Variants in STYXL1 observed in about 807,000 individuals in gnomAD.
STYXL1 encodes the protein serine/threonine/tyrosine interacting like 1.
A neutral mutation model predicts 36.4 loss-of-function variants in STYXL1; 32 were observed. The observed-to-expected ratio is 0.88, with a 90% confidence interval of 0.66 to 1.18. The LOEUF (loss-of-function observed/expected upper bound fraction) is 1.18. Among genes scored for constraint, STYXL1 ranks in the 50% most tolerant of loss-of-function variants. STYXL1 has a pLI of 0.00. For synonymous variants in STYXL1, 133 were observed against 144.1 expected (o/e 0.92, Z 0.55); for missense variants, 354 against 394.1 (o/e 0.90, Z 0.86).
At chr7:76,005,911 GAGGAGGAGGA>G (rs1247256357) in intron 5 of STYXL1, among the ~76,000 whole-genome samples, 91 of 144,638 alleles carry the variant, frequency 6.3e-4, no homozygotes, top group African/African-American at 2.2e-3. Flanking sequence ...AGAGGAGGAG[GAGGAGGAGGA>G]GGGAGGAGGT....
intron 8 of STYXL1, among the ~76,000 whole-genome samples, chr7:75,997,206 T>G (rs557122893): frequency 6.6e-6 from 1 of 152,038 alleles, no homozygotes; most frequent in Non-Finnish European, 1.5e-5. Context: ...CCGAGACGGG[T>G]GGATCACCTG....
chr7:75,999,709 A>G (rs1790628165), intron 8 of STYXL1, among the ~76,000 whole-genome samples: 1 of 151,736 alleles, frequency 6.6e-6, no homozygotes, highest in East Asian at 2.0e-4. Context: ...CACCACGCCC[A>G]GCTAATTTTT....
chr7:76,005,144 G>A, intron 6 of STYXL1, 115 bp downstream of exon 6: 2 of 620,074 alleles, frequency 3.2e-6, no homozygotes, highest in Non-Finnish European at 2.1e-6. Context: ...TTGTGCACAT[G>A]TACCCTAAAA....
intron 4 of STYXL1, among the ~76,000 whole-genome samples, chr7:76,021,510 C>T (rs1233647881): frequency 6.6e-6 from 1 of 152,124 alleles, no homozygotes; most frequent in Non-Finnish European, 1.5e-5. Flanking sequence ...GTCTGACGGG[C>T]CCCACAGGAG....
chr7:75,999,944 C>A (rs576092533), intron 8 of STYXL1, among the ~76,000 whole-genome samples: 1 of 152,098 alleles, frequency 6.6e-6, no homozygotes, highest in East Asian at 1.9e-4. Flanking sequence ...TCAGAACAGG[C>A]CCTGGAGGAA....
chr7:76,038,871 C>T lies in STYXL1; in HGVS notation c.-4-8344G>A, dbSNP rs974438503. Among the ~76,000 whole-genome samples the T allele has an allele frequency of 5.4e-5, 8 of 149,130 alleles. 1 individual carries two copies. The highest frequency in any genetic ancestry group is 1.8e-4 in the African/African-American group (7 of 38,652). ...GCGCGATCGTCACTCACTGCAGCCT[C>T]AAACTCCTGGGCTCAAGTGAGCCTC... On this transcript the variant is annotated intron_variant, in intron 1 of 8. Transcript: ENST00000359697.
Position 76,047,779 on chromosome 7 carries a change from G to T in STYXL1, c.-122C>A. On this transcript the variant is annotated 5_prime_UTR_variant, in exon 1 of 9. Transcript: ENST00000359697. ...TCCCCGGCTGCGCGACTATGGCCAG[G>T]CTCCCTGTCGGAGCCTCTGCCTGGG... The T allele has an allele frequency of 2.1e-6, 1 of 475,482 alleles. No homozygotes were observed. Among genetic ancestry groups the T allele is most frequent in the Non-Finnish European group, 3.2e-6 (1 of 310,674 alleles). The allele number at this position is 475,482 out of a possible 1,614,324, so 29.5% of individuals were successfully genotyped here. A position where few individuals can be genotyped will look rare whatever the true frequency, so the allele number is the denominator to read the frequency against.
chr7:76,028,833 TGA>T (rs1417277076), intron 2 of STYXL1, 130 bp from the exon 3 acceptor site: 6 of 853,474 alleles, frequency 7.0e-6, no homozygotes, highest in Non-Finnish European at 9.6e-6. Flanking sequence ...GTTTAAAACT[TGA>T]GATGTGGGGC....
chr7:76,022,095 A>C, intron 3 of STYXL1, 103 bp from the exon 4 acceptor site: 1 of 1,516,064 alleles, frequency 6.6e-7, no homozygotes, highest in Non-Finnish European at 8.7e-7. Flanking sequence ...CTAAGACCGC[A>C]CTCTCTCCCC....
intron 8 of STYXL1, among the ~76,000 whole-genome samples, chr7:75,997,632 T>TA (rs1790301587): frequency 6.6e-6 from 1 of 151,980 alleles, no homozygotes; most frequent in South Asian, 2.1e-4. Context: ...GAAAAAGAAA[T>TA]AAAAGGCATC....
chr7:76,028,898 G>T (rs1795028881), intron 2 of STYXL1, among the ~76,000 whole-genome samples, 195 bp from the exon 3 acceptor site: 1 of 152,112 alleles, frequency 6.6e-6, no homozygotes, highest in Non-Finnish European at 1.5e-5. Flanking sequence ...GCCGAGGCAG[G>T]TGGATCACTT....
intron 4 of STYXL1, among the ~76,000 whole-genome samples, chr7:76,015,683 C>T (rs782747203): frequency 1.3e-5 from 2 of 152,244 alleles, no homozygotes; most frequent in Non-Finnish European, 2.9e-5. Flanking sequence ...ACCAAACAAC[C>T]TCTGATGGTT....
In STYXL1 at chr7:76,030,506, T is replaced by A. The variant is rs782442456; in HGVS notation, c.18A>T (p.Leu6Phe). ...TGTTGTAAAGCTCTGTTGGTTCACA[T>A]AAAAGCAAACCAGGCATCCTGCTGG... is the stretch of plus-strand genomic sequence containing the variant. MPGLL[L>F]CEPTELYNIL... is the part of the protein sequence containing the mutation. The change falls in exon 2 of 9, where the codon TTA becomes TTT. Residue 6 changes from leucine to phenylalanine, a missense_variant. Transcript: ENST00000359697. 1 of 1,613,388 alleles carries A rather than the reference T, an allele frequency of 6.2e-7. No individual in the cohort carries two copies. Among genetic ancestry groups the A allele is most frequent in the Non-Finnish European group, 8.5e-7 (1 of 1,179,368 alleles).
chr7:76,014,365 T>C (rs548245629), intron 4 of STYXL1, among the ~76,000 whole-genome samples: 16 of 151,494 alleles, frequency 1.1e-4, no homozygotes, highest in African/African-American at 3.9e-4. Flanking sequence ...TTTTTTTGTT[T>C]TTGTTTTTGA....
intron 1 of STYXL1, among the ~76,000 whole-genome samples, chr7:76,035,883 C>A (rs539014368): frequency 6.7e-6 from 1 of 149,856 alleles, no homozygotes; most frequent in East Asian, 1.9e-4. Flanking sequence ...AGATCCTTCT[C>A]CTTCTCAAAG....
At position 75,996,363 on chromosome 7, in the gene STYXL1, G is replaced by C; in HGVS notation, c.*105C>G. The C allele has an allele frequency of 6.2e-7, 1 of 1,604,190 alleles. No individual in the cohort carries two copies. The highest frequency in any genetic ancestry group is 8.5e-7 in the Non-Finnish European group (1 of 1,176,094). ...AACATGAGACTTTCAGGCAGCAAAG[G>C]CCTTCTCCTTCCAGACAAGCCTGGG... is the stretch of plus-strand genomic sequence containing the variant. On this transcript the variant is annotated 3_prime_UTR_variant, in exon 9 of 9. Transcript: ENST00000359697.
At chr7:76,032,023 C>T (rs1205772784) in intron 1 of STYXL1, among the ~76,000 whole-genome samples, 1 of 152,100 alleles carries the variant, frequency 6.6e-6, no homozygotes, top group African/African-American at 2.4e-5. Context: ...AATCTCAGCA[C>T]TTGGGGAGGC....
chr7:76,041,780 A>G (rs1181746259), intron 1 of STYXL1, among the ~76,000 whole-genome samples: 1 of 152,218 alleles, frequency 6.6e-6, no homozygotes, highest in Non-Finnish European at 1.5e-5. Flanking sequence ...ATGTATTTGT[A>G]TATTTTCCTA....
chr7:76,000,864 G>A, intron 8 of STYXL1, 26 bp downstream of exon 8: 1 of 1,602,536 alleles, frequency 6.2e-7, no homozygotes, highest in Non-Finnish European at 8.6e-7. Flanking sequence ...TGGCCGTGGT[G>A]CGAGCCTGGC....
Sources: allele counts gnomAD v4.1 joint callset (sites outside exome capture counted in the v4.1 genomes callset), GRCh38; gene constraint gnomAD v4.1.1; transcripts MANE v1.5; gene names NCBI Gene and HGNC (gene_info 2026-07-23, HGNC 2026-07-21).